SH3BGRL: variants seen among roughly 807,000 people sequenced by gnomAD.
The protein encoded by SH3BGRL is SH3 domain binding glutamate rich protein like.
Under a neutral mutation model 9.8 loss-of-function variants are expected in SH3BGRL, and 7 were observed. The ratio of observed to expected loss-of-function variants is 0.72; its 90% CI spans 0.41 to 1.35. The LOEUF (loss-of-function observed/expected upper bound fraction) is 1.35. Among genes scored for constraint, SH3BGRL ranks in the 40% most tolerant of loss-of-function variants. The pLI is 0.01. For missense variants in SH3BGRL, 73 were observed against 84.4 expected (o/e 0.86, Z 0.53); for synonymous variants, 36 against 29.1 (o/e 1.24, Z -0.76).
At chrX:81,264,122 G>T (rs1386388584) in intron 1 of SH3BGRL, among the ~76,000 whole-genome samples, 4 of 110,307 alleles carry the variant, frequency 3.6e-5, no homozygotes, top group Non-Finnish European at 7.6e-5. Context: ...ACTCATAAGG[G>T]ATATTTAGGA....
intron 1 of SH3BGRL, among the ~76,000 whole-genome samples, chrX:81,215,600 A>G (rs766946875): frequency 1.8e-5 from 2 of 111,240 alleles, no homozygotes; most frequent in South Asian, 7.6e-4. Flanking sequence ...GTCAAGGCAG[A>G]GGTACTTTAG....
chrX:81,227,428 G>C (rs907581421), intron 1 of SH3BGRL, among the ~76,000 whole-genome samples: 4 of 111,550 alleles, frequency 3.6e-5, no homozygotes, highest in African/African-American at 1.3e-4. Context: ...CCCTTACTTT[G>C]CTGGGTCTAT....
At chrX:81,266,921 C>G (rs770957299) in intron 1 of SH3BGRL, among the ~76,000 whole-genome samples, 1 of 111,745 alleles carries the variant, frequency 8.9e-6, no homozygotes, top group African/African-American at 3.3e-5. Flanking sequence ...AGGTCCTTCA[C>G]ATCCCTTGTA....
chrX:81,268,196 GT>G (rs1272673158), intron 1 of SH3BGRL, among the ~76,000 whole-genome samples: 12 of 109,522 alleles, frequency 1.1e-4, no homozygotes, highest in Non-Finnish European at 2.1e-4. Flanking sequence ...TTTTTGAAGG[GT>G]TTTTTTTGTG....
At chrX:81,243,005 A>G (rs2075676033) in intron 1 of SH3BGRL, among the ~76,000 whole-genome samples, 2 of 112,101 alleles carry the variant, frequency 1.8e-5, no homozygotes, top group Admixed American at 1.9e-4. Context: ...GAAAATAGAG[A>G]TAACACATGA....
At chrX:81,281,275 C>A (rs1241176283) in intron 3 of SH3BGRL, among the ~76,000 whole-genome samples, 1 of 110,879 alleles carries the variant, frequency 9.0e-6, no homozygotes, top group Non-Finnish European at 1.9e-5. Context: ...GGAAAACTTC[C>A]CTGGCCTAGC....
At chrX:81,285,224 G>C (rs1042702748) in intron 3 of SH3BGRL, among the ~76,000 whole-genome samples, 1 of 111,386 alleles carries the variant, frequency 9.0e-6, no homozygotes, top group Non-Finnish European at 1.9e-5. Flanking sequence ...AAATAAGAAA[G>C]ACAACTGGTT....
chrX:81,220,225 A>C (rs1360164004), intron 1 of SH3BGRL, among the ~76,000 whole-genome samples: 1 of 111,504 alleles, frequency 9.0e-6, no homozygotes, highest in Non-Finnish European at 1.9e-5. Context: ...GTTTGATAAA[A>C]TTGAGCAGTG....
chrX:81,287,868 G>C (rs953910900), intron 3 of SH3BGRL, among the ~76,000 whole-genome samples: 5 of 108,498 alleles, frequency 4.6e-5, no homozygotes, highest in African/African-American at 1.7e-4. Flanking sequence ...GGAACGAATA[G>C]TTCCAAAATC....
intron 1 of SH3BGRL, among the ~76,000 whole-genome samples, chrX:81,253,028 A>T (rs1021951769): frequency 8.9e-6 from 1 of 112,402 alleles, no homozygotes. Context: ...CAACTTGAAT[A>T]CTATTAGATT....
chrX:81,283,322 G>A (rs927764699), intron 3 of SH3BGRL, among the ~76,000 whole-genome samples: 1 of 111,489 alleles, frequency 9.0e-6, no homozygotes, highest in Non-Finnish European at 1.9e-5. Flanking sequence ...ATTCTATGAA[G>A]CCAGCATCAC....
chrX:81,256,177 G>A (rs1832447983), intron 1 of SH3BGRL, among the ~76,000 whole-genome samples: 1 of 112,062 alleles, frequency 8.9e-6, no homozygotes, highest in African/African-American at 3.2e-5. Context: ...TTTGAGTATA[G>A]GGATTGAGGT....
chrX:81,279,991 G>A (rs910159028), intron 3 of SH3BGRL, among the ~76,000 whole-genome samples: 1 of 111,443 alleles, frequency 9.0e-6, no homozygotes, highest in South Asian at 3.8e-4. Flanking sequence ...GCTGTTGGAC[G>A]GGGGCTTGGT....
At chrX:81,250,931 C>A (rs1382806095) in intron 1 of SH3BGRL, among the ~76,000 whole-genome samples, 1 of 111,304 alleles carries the variant, frequency 9.0e-6, no homozygotes, top group Non-Finnish European at 1.9e-5. Flanking sequence ...TTCATAAATA[C>A]ACCATCAGGT....
intron 1 of SH3BGRL, among the ~76,000 whole-genome samples, chrX:81,240,970 C>T (rs1211679317): frequency 1.8e-5 from 2 of 112,700 alleles, no homozygotes; most frequent in East Asian, 2.8e-4. Context: ...CTGAAAATGC[C>T]CAGCCAAGGT....
intron 1 of SH3BGRL, among the ~76,000 whole-genome samples, chrX:81,228,176 A>G (rs914961830): frequency 2.2e-4 from 25 of 111,986 alleles, no homozygotes; most frequent in Non-Finnish European, 3.6e-4. Flanking sequence ...CCATGACACA[A>G]CCTTCAGGAG....
intron 1 of SH3BGRL, among the ~76,000 whole-genome samples, chrX:81,219,016 A>T (rs960101517): frequency 6.4e-5 from 7 of 109,239 alleles, no homozygotes; most frequent in Non-Finnish European, 9.6e-5. Flanking sequence ...GTGAACAATC[A>T]GAGAAAGAAA....
chrX:81,250,355 C>T (rs570992415), intron 1 of SH3BGRL, among the ~76,000 whole-genome samples: 10 of 106,417 alleles, frequency 9.4e-5, no homozygotes, highest in Middle Eastern at 4.9e-3. Flanking sequence ...AGCCAAGATC[C>T]GAGATCTCGC....
intron 1 of SH3BGRL, among the ~76,000 whole-genome samples, chrX:81,265,820 C>CA (rs1326633862): frequency 8.9e-6 from 1 of 112,153 alleles, no homozygotes; most frequent in Non-Finnish European, 1.9e-5. Context: ...TTTACACTCC[C>CA]ACCAACAGAG....
Sources: allele counts gnomAD v4.1 joint callset (sites outside exome capture counted in the v4.1 genomes callset), GRCh38; gene constraint gnomAD v4.1.1; transcripts MANE v1.5; gene names NCBI Gene and HGNC (gene_info 2026-07-23, HGNC 2026-07-21).